FANCA: variants seen among roughly 807,000 people sequenced by gnomAD.
The protein encoded by FANCA is Fanconi anemia group A protein.
A neutral mutation model predicts 194.3 loss-of-function variants in FANCA; 236 were observed. The ratio of observed to expected loss-of-function variants is 1.21; its 90% confidence interval spans 1.09 to 1.35. The LOEUF (loss-of-function observed/expected upper bound fraction) is 1.35. Ranked by LOEUF, FANCA falls within the 40% of genes most tolerant of loss-of-function variation. The probability of loss-of-function intolerance (pLI) is 0.00; values close to 1 mark genes in which losing one functional copy is unlikely to be tolerated. For synonymous variants in FANCA, 1,014 were observed against 715.8 expected (o/e 1.42, Z -6.65); for missense variants, 2,628 against 1,813.9 (o/e 1.45, Z -8.15).
At chr16:89,766,781 A>T (rs1417980597) in intron 27 of FANCA, among the ~76,000 whole-genome samples, 12 of 152,202 alleles carry the variant, frequency 7.9e-5, no homozygotes, top group African/African-American at 2.7e-4. Flanking sequence ...AGGAATAAGA[A>T]TTCTTCTTTC....
In FANCA at chr16:89,770,465, G is replaced by A. The variant is rs186012506; in HGVS notation, c.2222+99C>T. 6.6e-6 allele frequency: 8 copies of A among 1,218,822 alleles called. No individual in the cohort carries two copies. The East Asian group carries it at 1.3e-4, about 19-fold the overall frequency. 75.5% of individuals were successfully genotyped at this position (1,218,822 alleles called of 1,614,324 possible). A position where few individuals can be genotyped will look rare whatever the true frequency, so the allele number is the denominator to read the frequency against. ...AAACTCAGCATCGCCGCATGCTCCT[G>A]CGGAGACGAGCTCATGAGTCCCTGG... On this transcript the variant is annotated intron_variant, in intron 24 of 42. Transcript: ENST00000389301.
chr16:89,740,855 G>A lies in FANCA; in HGVS notation c.3777C>T (p.Phe1259=), dbSNP rs780555200. 6.2e-7 allele frequency: 1 copy of A among 1,613,096 alleles called. No individual in the cohort carries two copies. Among genetic ancestry groups the A allele is most frequent in the Non-Finnish European group, 8.5e-7 (1 of 1,179,424 alleles). The part of the protein sequence containing the change: ...LDCEREELLV[F]LFFFSLMGLL... ...GGCCCATCAAGGAGAAGAAGAAAAGGAAAACCAATAGCTGTAAATAAAAAC... is the reference window on the plus strand; with the variant it reads ...GGCCCATCAAGGAGAAGAAGAAAAGAAAAACCAATAGCTGTAAATAAAAAC... The change falls in exon 38 of 43, where the codon TTC becomes TTT. Residue 1259 remains phenylalanine (F), a synonymous_variant. Transcript: ENST00000389301.
intron 3 of FANCA, among the ~76,000 whole-genome samples, chr16:89,812,403 T>A (rs925264555): frequency 4.6e-5 from 7 of 151,384 alleles, no homozygotes; most frequent in African/African-American, 1.7e-4. Flanking sequence ...TCCCAGCACT[T>A]TGGGAGGCCG....
At chr16:89,770,707 C>G (rs2039294846) in intron 23 of FANCA, 73 bp from the exon 24 acceptor site, 2 of 1,315,924 alleles carry the variant, frequency 1.5e-6, no homozygotes, top group Non-Finnish European at 2.1e-6. Context: ...GGCCAGCGCT[C>G]CCGCCACAGA....
At chr16:89,812,646 C>CA (rs71137677) in intron 3 of FANCA, among the ~76,000 whole-genome samples, 1,833 of 41,586 alleles carry the variant, frequency 0.044, 67 homozygotes, top group African/African-American at 0.057. Context: ...TACTCCGTCT[C>CA]AAAAAAAAAA....
Position 89,771,965 on chromosome 16 carries a change from G to C in FANCA, c.2015-151C>G, listed in dbSNP as rs17226575. On this transcript the variant is annotated intron_variant, in intron 22 of 42. Coordinates refer to ENST00000389301, the MANE Select transcript of FANCA (RefSeq NM_000135.4). The stretch of plus-strand genomic sequence containing the variant: ...AGCCAGGTGCTGAACACCAGTGTTT[G>C]TTCGCCCCGCAGGATTTGCAGCCTT... 2.2e-3 allele frequency: 2,053 copies of C among 942,588 alleles called. 23 individuals are homozygous for C. In the African/African-American group the frequency reaches 0.028, roughly 13 times the overall value. 58.4% of individuals were successfully genotyped at this position (942,588 alleles called of 1,614,324 possible).
At chr16:89,795,795 G>T (rs915505752) in intron 11 of FANCA, 111 bp downstream of exon 11, 1 of 791,212 alleles carries the variant, frequency 1.3e-6, no homozygotes, top group Non-Finnish European at 2.2e-6. Flanking sequence ...CAAGACAGAC[G>T]TAAAAGAGGT....
chr16:89,799,783 G>A (rs186391497), intron 8 of FANCA, 145 bp from the exon 9 acceptor site: 1 of 706,750 alleles, frequency 1.4e-6, no homozygotes, highest in African/African-American at 1.8e-5. Flanking sequence ...CACGAGGTCA[G>A]GAGATCGAGA....
chr16:89,775,051 G>A (rs879345626), intron 21 of FANCA, among the ~76,000 whole-genome samples: 8 of 151,280 alleles, frequency 5.3e-5, no homozygotes, highest in Admixed American at 1.3e-4. Flanking sequence ...CCAAAATCGC[G>A]CCACTGCAGT....
chr16:89,813,087 G>C (rs746057121), intron 3 of FANCA, among the ~76,000 whole-genome samples: 1 of 150,796 alleles, frequency 6.6e-6, no homozygotes, highest in Non-Finnish European at 1.5e-5. Context: ...ATTATAGTAC[G>C]AGAAATCATC....
At position 89,791,497 on chromosome 16, in the gene FANCA, C is replaced by T. The variant is rs759128726; in HGVS notation, c.1265G>A (p.Cys422Tyr). 5 of 1,614,068 alleles carry T rather than the reference C, an allele frequency of 3.1e-6. No homozygotes were observed. The highest frequency in any genetic ancestry group is 4.2e-6 in the Non-Finnish European group (5 of 1,180,050). The part of the protein sequence containing the change: ...ARLMAQAFES[C>Y]QLDSMVTAFL... ...CGCAGTGACCATGCTGTCCAGCTGG[C>T]AGCTCTCGAATGCCTGGGCCATCAA... The change falls in exon 14 of 43, where the codon TGC becomes TAC. Residue 422 changes from cysteine (C) to tyrosine (Y), a missense_variant. Cys to Tyr is a radical substitution (Grantham distance 194). Coordinates refer to ENST00000389301, the MANE Select transcript of FANCA (RefSeq NM_000135.4).
At chr16:89,813,220 G>A (rs920927607) in intron 3 of FANCA, among the ~76,000 whole-genome samples, 1 of 151,882 alleles carries the variant, frequency 6.6e-6, no homozygotes, top group Non-Finnish European at 1.5e-5. Context: ...TTTGAGACCA[G>A]CCTGGGCAAT....
At chr16:89,741,296 G>A (rs1221226966) in intron 37 of FANCA, among the ~76,000 whole-genome samples, 6 of 152,304 alleles carry the variant, frequency 3.9e-5, no homozygotes, top group African/African-American at 1.4e-4. Flanking sequence ...GCACACTAGG[G>A]TCCTAAGGCC....
In FANCA at chr16:89,740,008, T is replaced by G; in HGVS notation, c.3920A>C (p.Gln1307Pro). 2 of 1,614,162 alleles carry G rather than the reference T, an allele frequency of 1.2e-6. No homozygotes were observed. Among genetic ancestry groups the G allele is most frequent in the Non-Finnish European group, 1.7e-6 (2 of 1,179,982 alleles). ...KRKISWLALF[Q>P]LTESDLRLGR... ...GTGTTTCTTACCACTCTCTGTCAACTGAAAGAGTGCCAGCCAGGATATCTT... is the reference window on the plus strand; with the variant it reads ...GTGTTTCTTACCACTCTCTGTCAACGGAAAGAGTGCCAGCCAGGATATCTT... The change falls in exon 39 of 43, where the codon CAG (glutamine) becomes CCG (proline). Residue 1307 changes from glutamine to proline, a missense_variant. Transcript: ENST00000389301.
chr16:89,805,158 C>T (rs2040591572), intron 7 of FANCA, 122 bp downstream of exon 7: 1 of 759,542 alleles, frequency 1.3e-6, no homozygotes, highest in Non-Finnish European at 2.3e-6. Context: ...GTCTGTCATG[C>T]CAGGTTCCCA....
chr16:89,779,355 A>G (rs1255071066), intron 18 of FANCA, among the ~76,000 whole-genome samples: 3 of 152,152 alleles, frequency 2.0e-5, no homozygotes, highest in Admixed American at 6.5e-5. Flanking sequence ...CACATGTGTA[A>G]CCACCAGAAT....
At chr16:89,802,013 T>C (rs999056054) in intron 8 of FANCA, among the ~76,000 whole-genome samples, 5 of 152,226 alleles carry the variant, frequency 3.3e-5, no homozygotes, top group Admixed American at 6.5e-5. Context: ...CCTACATTTA[T>C]TGTGGCACTA....
rs182675307 is a variant in FANCA, at chr16:89,759,441, T to C, written c.2853-736A>G. On this transcript the variant is annotated intron_variant, in intron 29 of 42. Transcript: ENST00000389301. ...CAACCTGCATCCAGACTGTGGACTC[T>C]GTGGATACGGATGGGAAGGGGCTCA... Among the ~76,000 whole-genome samples, 650 of 150,440 alleles carry C rather than the reference T, an allele frequency of 4.3e-3. 10 individuals are homozygous for C. The highest frequency in any genetic ancestry group is 9.1e-3 in the South Asian group (43 of 4,742).
At chr16:89,808,082 AC>A in intron 6 of FANCA, among the ~76,000 whole-genome samples, 2 of 128,452 alleles carry the variant, frequency 1.6e-5, no homozygotes, top group Admixed American at 7.4e-5. Flanking sequence ...CAAAAAGCAA[AC>A]AAAACCAAAA....
Sources: allele counts gnomAD v4.1 joint callset (sites outside exome capture counted in the v4.1 genomes callset), GRCh38; gene constraint gnomAD v4.1.1; transcripts MANE v1.5; gene names NCBI Gene and HGNC (gene_info 2026-07-23, HGNC 2026-07-21).